The following ARSG variants were observed in gnomAD, a reference collection of about 807,000 sequenced individuals.
The protein encoded by ARSG is arylsulfatase G.
ARSG carries 37 observed loss-of-function variants against 50.5 expected under a neutral mutation model. That is an observed-to-expected ratio of 0.73 (90% CI 0.56 to 0.96). The LOEUF (loss-of-function observed/expected upper bound fraction) is 0.96. Ranked by LOEUF, ARSG falls within the 50% of genes least tolerant of loss-of-function variation. The pLI is 0.00. For synonymous variants in ARSG, 225 were observed against 254.6 expected (o/e 0.88, Z 1.11); for missense variants, 629 against 675.3 (o/e 0.93, Z 0.76).
At chr17:68,317,963 G>T (rs1378157572) in intron 2 of ARSG, among the ~76,000 whole-genome samples, 22 of 152,168 alleles carry the variant, frequency 1.4e-4, no homozygotes, top group African/African-American at 5.3e-4. Context: ...GCCGGGCGTG[G>T]TGGCGGGTGC....
chr17:68,386,967 C>T (rs1243505640), intron 9 of ARSG, among the ~76,000 whole-genome samples: 3 of 151,788 alleles, frequency 2.0e-5, no homozygotes, highest in African/African-American at 4.8e-5. Context: ...CACACCGTAT[C>T]GGTACCTCCT....
At chr17:68,436,214 C>G in the ARSG span, among the ~76,000 whole-genome samples, 42,572 of 152,130 alleles carry the variant, frequency 0.28, 6,310 homozygotes, top group Admixed American at 0.41. Flanking sequence ...GAGGTTGACT[C>G]ACAGCAAGCC....
At chr17:68,354,022 CTT>C (rs1239565009) in intron 5 of ARSG, among the ~76,000 whole-genome samples, 2 of 93,806 alleles carry the variant, frequency 2.1e-5, no homozygotes, top group Non-Finnish European at 2.4e-5. Context: ...TCTTCTTGTT[CTT>C]TTTTTTTTTT....
intron 1 of ARSG, chr17:68,270,768 C>CT (rs377546727): frequency 1.5e-6 from 2 of 1,358,236 alleles, no homozygotes; most frequent in East Asian, 4.9e-5. Context: ...TTTTTTATGG[C>CT]TTGAACAGGA....
chr17:68,431,760 A>ATCCGTGGGCAGGCTGAGGGGAGG, the ARSG span, among the ~76,000 whole-genome samples: 1 of 152,162 alleles, frequency 6.6e-6, no homozygotes, highest in South Asian at 2.1e-4. Context: ...ACATATGAAC[A>ATCCGTGGGCAGGCTGAGGGGAGG]CCCGTGGACA....
chr17:68,437,010 A>ATGTGTGTGTGTGTGTGTGTG, the ARSG span, among the ~76,000 whole-genome samples: 5 of 77,958 alleles, frequency 6.4e-5, no homozygotes, highest in African/African-American at 2.4e-4. Flanking sequence ...AAAAAAATAT[A>ATGTGTGTGTGTGTGTGTGTG]TATATATGTG....
chr17:68,451,126 CTAAAG>C, the ARSG span, among the ~76,000 whole-genome samples: 1 of 152,236 alleles, frequency 6.6e-6, no homozygotes, highest in African/African-American at 2.4e-5. Context: ...TTCCAAATAT[CTAAAG>C]TAAAGAAAAC....
At chr17:68,377,108 C>T (rs959111395) in intron 8 of ARSG, among the ~76,000 whole-genome samples, 2 of 152,188 alleles carry the variant, frequency 1.3e-5, no homozygotes, top group East Asian at 1.9e-4. Flanking sequence ...GTGATCTGCC[C>T]TCCTCAGCCT....
intron 2 of ARSG, among the ~76,000 whole-genome samples, chr17:68,319,687 G>T (rs1005640142): frequency 1.3e-5 from 2 of 152,204 alleles, no homozygotes; most frequent in African/African-American, 2.4e-5. Flanking sequence ...AGAGGAGGAC[G>T]TGAGACAACT....
At chr17:68,356,249 A>G (rs1206159350) in intron 5 of ARSG, among the ~76,000 whole-genome samples, 1 of 152,214 alleles carries the variant, frequency 6.6e-6, no homozygotes, top group East Asian at 1.9e-4. Flanking sequence ...GACTTCGGAA[A>G]ACGCTGAGTT....
At chr17:68,268,804 G>A (rs1246868120) in intron 1 of ARSG, 6 of 364,768 alleles carry the variant, frequency 1.6e-5, no homozygotes, top group African/African-American at 6.2e-5. Context: ...GTGAACCAAA[G>A]AGTCTTTCTA....
chr17:68,338,322 C>T lies in ARSG; in HGVS notation c.219-5282C>T, dbSNP rs930042488. ...AAATTCATTTTTCTGTCCTCCCTTA[C>T]ATTAGGCCAGGGGGACTGGGCACAT... On this transcript the variant is annotated intron_variant, in intron 2 of 11. Coordinates refer to ENST00000621439, the MANE Select transcript of ARSG (RefSeq NM_001267727.2). Among the ~76,000 whole-genome samples the T allele has an allele frequency of 2.4e-4, 36 of 152,186 alleles. 1 individual carries two copies. The highest frequency in any genetic ancestry group is 8.4e-4 in the African/African-American group (35 of 41,448).
chr17:68,361,729 C>T (rs1367960500), intron 6 of ARSG, among the ~76,000 whole-genome samples: 1 of 152,060 alleles, frequency 6.6e-6, no homozygotes, highest in Non-Finnish European at 1.5e-5. Context: ...TCAGCCTGGC[C>T]AACATGGTGA....
At chr17:68,385,937 T>C (rs1013006808) in intron 9 of ARSG, among the ~76,000 whole-genome samples, 3 of 152,218 alleles carry the variant, frequency 2.0e-5, no homozygotes, top group African/African-American at 7.2e-5. Flanking sequence ...CTCCAGGCCA[T>C]TAGGGAAATA....
the ARSG span, chr17:68,450,938 C>G: frequency 3.8e-6 from 6 of 1,580,082 alleles, no homozygotes; most frequent in Non-Finnish European, 5.1e-6. Context: ...GGATTGATCA[C>G]TTCCAAGAAG....
chr17:68,380,097 A>G (rs2080357926), intron 8 of ARSG, among the ~76,000 whole-genome samples: 1 of 152,150 alleles, frequency 6.6e-6, no homozygotes, highest in Admixed American at 6.6e-5. Flanking sequence ...CAACGTGAAG[A>G]CAACGAGGAT....
intron 11 of ARSG, among the ~76,000 whole-genome samples, chr17:68,403,570 T>C (rs1263905036): frequency 6.6e-6 from 1 of 152,222 alleles, no homozygotes; most frequent in Non-Finnish European, 1.5e-5. Flanking sequence ...AATTGACATC[T>C]ACTACATTAG....
intron 2 of ARSG, among the ~76,000 whole-genome samples, chr17:68,325,764 G>A (rs2077480514): frequency 6.6e-6 from 1 of 152,160 alleles, no homozygotes; most frequent in Non-Finnish European, 1.5e-5. Context: ...ACCCTTCTGG[G>A]GTTGCCTGCT....
chr17:68,281,704 C>T (rs1427134354), intron 1 of ARSG, among the ~76,000 whole-genome samples: 1 of 152,052 alleles, frequency 6.6e-6, no homozygotes, highest in Admixed American at 6.6e-5. Flanking sequence ...CAAATCAAAA[C>T]CACAGTGAGG....
Sources: allele counts gnomAD v4.1 joint callset (sites outside exome capture counted in the v4.1 genomes callset), GRCh38; gene constraint gnomAD v4.1.1; transcripts MANE v1.5; gene names NCBI Gene and HGNC (gene_info 2026-07-23, HGNC 2026-07-21).